The following MYOM1 variants were observed in gnomAD, a reference collection of about 807,000 sequenced individuals.
The protein encoded by MYOM1 is myomesin 1, also known as myomesin-1.
MYOM1 carries 164 observed loss-of-function variants against 205.3 expected under a neutral mutation model. The ratio of observed to expected loss-of-function variants is 0.80; its 90% CI spans 0.70 to 0.91. The LOEUF is 0.91. Among genes scored for constraint, MYOM1 ranks in the 40% least tolerant of loss-of-function variants. MYOM1 has a pLI of 0.00. For missense variants in MYOM1, 2,011 were observed against 2,127.3 expected (o/e 0.95, Z 1.08); for synonymous variants, 772 against 789.4 (o/e 0.98, Z 0.37).
chr18:3,206,910 C>T (rs1266197777), intron 2 of MYOM1, among the ~76,000 whole-genome samples: 1 of 152,060 alleles, frequency 6.6e-6, no homozygotes, highest in Non-Finnish European at 1.5e-5. Context: ...AATAAATAGC[C>T]TTCCCTTGGA....
chr18:3,072,349 G>GC (rs2078968562), intron 36 of MYOM1, among the ~76,000 whole-genome samples: 1 of 60,152 alleles, frequency 1.7e-5, no homozygotes, highest in Non-Finnish European at 2.9e-5. Context: ...ACCGCACCCG[G>GC]CTTTTTTTTT....
At position 3,067,196 on chromosome 18, in the gene MYOM1, T is replaced by C; in HGVS notation, c.*66A>G. ...AGGGAGGAGAAAGCATGAAGACGTC[T>C]CATCCTTAACCCAAACCATTCACAC... On this transcript the variant is annotated 3_prime_UTR_variant, in exon 38 of 38. Transcript: ENST00000356443. 1 of 1,484,196 alleles carries C rather than the reference T, an allele frequency of 6.7e-7. No individual in the cohort carries two copies. The highest frequency in any genetic ancestry group is 1.3e-5 in the South Asian group (1 of 77,212). The allele number at this position is 1,484,196 out of a possible 1,614,324, so 91.9% of individuals were successfully genotyped here.
chr18:3,217,461 T>C (rs935212363), intron 1 of MYOM1, among the ~76,000 whole-genome samples: 1 of 152,058 alleles, frequency 6.6e-6, no homozygotes, highest in Non-Finnish European at 1.5e-5. Flanking sequence ...GAACAGGAGA[T>C]TGGTTTCAAT....
intron 3 of MYOM1, among the ~76,000 whole-genome samples, chr18:3,190,985 CTAAT>C (rs1054022452): frequency 2.6e-5 from 4 of 152,084 alleles, no homozygotes; most frequent in African/African-American, 4.8e-5. Context: ...CGAAAAAAAA[CTAAT>C]TATTTCACAC....
upstream of MYOM1, among the ~76,000 whole-genome samples, chr18:3,224,277 C>T (rs374075016): frequency 2.8e-4 from 43 of 152,308 alleles, no homozygotes; most frequent in South Asian, 8.5e-3. Flanking sequence ...CTGCCTCAGC[C>T]TCCCAAAGTT....
At position 3,071,820 on chromosome 18, in the gene MYOM1, GGCTTCAT is replaced by G; in HGVS notation, c.4764+7_4764+13del. The G allele has an allele frequency of 1.3e-6, 2 of 1,593,580 alleles. No individual in the cohort carries two copies. Among genetic ancestry groups the G allele is most frequent in the Non-Finnish European group, 1.7e-6 (2 of 1,169,786 alleles). On this transcript the variant is annotated splice_region_variant and intron_variant, in intron 37 of 37. Coordinates refer to ENST00000356443, the MANE Select transcript of MYOM1 (RefSeq NM_003803.4). ...AGTGCAGAAGGAGCAGGCACAGGCA[GGCTTCAT>G]GCTTACCTTCCCCTCCTGGATGGTG...
Position 3,187,517 on chromosome 18 carries a change from A to C in MYOM1, c.892T>G (p.Cys298Gly). 1 of 1,613,974 alleles carries C rather than the reference A, an allele frequency of 6.2e-7. No individual in the cohort carries two copies. Among genetic ancestry groups the C allele is most frequent in the African/African-American group, 1.3e-5 (1 of 75,040 alleles). ...VWEKENVKLH[C>G]SIAGWPEPRV... ...GGTTCTGGCCAGCCTGCTATGGAGC[A>C]ATGCAATTTTACATTCTCCTTCTCC... Residue 298 changes from cysteine (C) to glycine (G), a missense_variant, in exon 5 of 38, where the codon TGC becomes GGC. Physicochemically the swap from Cys to Gly is radical, Grantham distance 159 (BLOSUM62 -3). Coordinates refer to ENST00000356443, the MANE Select transcript of MYOM1 (RefSeq NM_003803.4).
chr18:3,226,392 G>A, the MYOM1 span, among the ~76,000 whole-genome samples: 2 of 152,156 alleles, frequency 1.3e-5, no homozygotes, highest in South Asian at 4.1e-4. This position sits in a 1 kb window ranked among gnomAD's most constrained non-coding sequence, Gnocchi z 4.6. Flanking sequence ...TGGCACGAGG[G>A]CATCTTCACC....
intron 8 of MYOM1, among the ~76,000 whole-genome samples, chr18:3,173,709 C>G (rs1417091963): frequency 6.6e-6 from 1 of 151,596 alleles, no homozygotes; most frequent in East Asian, 1.9e-4. Context: ...TTTAGCCCAT[C>G]ATATCTGGGC....
chr18:3,103,754 T>A (rs1194645658), intron 22 of MYOM1, among the ~76,000 whole-genome samples: 1 of 152,092 alleles, frequency 6.6e-6, no homozygotes, highest in East Asian at 1.9e-4. Flanking sequence ...GGAAAAAAAA[T>A]TGCAAACGTT....
chr18:3,201,832 T>C (rs2081072542), intron 2 of MYOM1, among the ~76,000 whole-genome samples: 1 of 151,994 alleles, frequency 6.6e-6, no homozygotes, highest in Non-Finnish European at 1.5e-5. Context: ...TTTGTAGAAC[T>C]GGGATTTCAC....
At position 3,166,276 on chromosome 18, in the gene MYOM1, T is replaced by TAA. The variant is rs55998331; in HGVS notation, c.1340-1838_1340-1837insTT. Reference sequence around the variant, plus strand: ...TCTATCTCAAGTCTTTTTTTTTTTTTTTTTTTTTATTTGAGGCGGCGTCTC... The same window carrying TAA: ...TCTATCTCAAGTCTTTTTTTTTTTTTAATTTTTTTTATTTGAGGCGGCGTCTC... On this transcript the variant is annotated intron_variant, in intron 9 of 37. Coordinates refer to ENST00000356443, the MANE Select transcript of MYOM1 (RefSeq NM_003803.4). 9.0e-3 allele frequency among the ~76,000 whole-genome samples: 1,280 copies of TAA among 142,624 alleles called. 14 individuals are homozygous for TAA. The highest frequency in any genetic ancestry group is 0.027 in the African/African-American group (1,062 of 39,510). The allele number at this position is 142,624 out of a possible 152,430, so 93.6% of individuals were successfully genotyped here.
the MYOM1 span, among the ~76,000 whole-genome samples, chr18:3,226,681 T>G: frequency 6.6e-6 from 1 of 152,220 alleles, no homozygotes; most frequent in Non-Finnish European, 1.5e-5. The surrounding 1 kb of genome is among the most constrained non-coding windows in gnomAD (Gnocchi z 4.6). Context: ...TGTTTACTTT[T>G]CTGTCTCTGC....
chr18:3,236,968 T>A, the MYOM1 span, among the ~76,000 whole-genome samples: 1 of 151,538 alleles, frequency 6.6e-6, no homozygotes, highest in African/African-American at 2.4e-5. Context: ...ATTTCAAAGG[T>A]GAGGGAGTGA....
chr18:3,113,298 CTATATATATATATATATA>C (rs70964105), intron 21 of MYOM1, among the ~76,000 whole-genome samples: 3 of 145,238 alleles, frequency 2.1e-5, no homozygotes, highest in African/African-American at 8.0e-5. Flanking sequence ...GTGTTTGTGT[CTATATATATATATATATA>C]TATATATATA....
At position 3,214,988 on chromosome 18, in the gene MYOM1, C is replaced by T. The variant is rs1432781497; in HGVS notation, c.236G>A (p.Ser79Asn). The stretch of plus-strand genomic sequence containing the variant: ...GGCTGCCTTCCGACTGACTTCAGAG[C>T]TCAGGGCGTGCTGCGAGGCCTGCTG... ...SQQQASQHAL[S>N]SEVSRKAASA... Residue 79 changes from serine to asparagine, a missense_variant, in exon 2 of 38, where the codon AGC becomes AAC. Transcript: ENST00000356443. 6.2e-7 allele frequency: 1 copy of T among 1,611,366 alleles called. No individual in the cohort carries two copies.
chr18:3,115,634 G>A (rs935406150), intron 21 of MYOM1, among the ~76,000 whole-genome samples: 1 of 152,194 alleles, frequency 6.6e-6, no homozygotes, highest in Non-Finnish European at 1.5e-5. Context: ...CTGAGGCCCC[G>A]CTGGGGCATC....
At chr18:3,157,081 C>T (rs2080310840) in intron 10 of MYOM1, among the ~76,000 whole-genome samples, 1 of 152,190 alleles carries the variant, frequency 6.6e-6, no homozygotes, top group South Asian at 2.1e-4. Flanking sequence ...CAGCTGGCAA[C>T]CTCTAGCCAT....
At chr18:3,075,700 G>A in intron 35 of MYOM1, 25 bp downstream of exon 35, 4 of 1,600,456 alleles carry the variant, frequency 2.5e-6, no homozygotes, top group Admixed American at 1.7e-5. Flanking sequence ...CATGCAAGTG[G>A]CATTTGCTAG....
Sources: gnomAD v4.1 joint callset for allele counts (sites outside exome capture counted in the v4.1 genomes callset) on GRCh38, gnomAD v4.1.1 for gene constraint, Gnocchi (gnomAD v3.1) non-coding constraint, MANE v1.5 for transcripts, NCBI Gene and HGNC (gene_info 2026-07-23, HGNC 2026-07-21) for gene names.